The following C14orf132 variants were observed in gnomAD, a reference collection of about 807,000 sequenced individuals.
C14orf132 encodes the protein uncharacterized protein C14orf132.
A neutral mutation model predicts 5.8 loss-of-function variants in C14orf132; 6 were observed. That is an observed-to-expected ratio of 1.03 (90% CI 0.57 to 2.04). The LOEUF is 2.04. Ranked by LOEUF, C14orf132 falls within the 30% of genes most tolerant of loss-of-function variation. C14orf132 has a pLI of 0.00. For synonymous variants in C14orf132, 51 were observed against 49.8 expected (o/e 1.02, Z -0.10); for missense variants, 125 against 115.8 (o/e 1.08, Z -0.37).
intron 1 of C14orf132, among the ~76,000 whole-genome samples, chr14:96,070,416 C>T (rs1239006216): frequency 1.3e-5 from 2 of 152,124 alleles, no homozygotes; most frequent in African/African-American, 2.4e-5. Context: ...TCCTTCTGCA[C>T]CGTCTAAAGT....
At chr14:96,076,540 C>A (rs930351200) in intron 1 of C14orf132, among the ~76,000 whole-genome samples, 13 of 152,098 alleles carry the variant, frequency 8.5e-5, no homozygotes, top group African/African-American at 3.1e-4. Flanking sequence ...ATTTTTGCTT[C>A]CCTGGGCCAC....
chr14:96,041,141 T>C (rs1262828395), intron 1 of C14orf132, among the ~76,000 whole-genome samples: 1 of 152,210 alleles, frequency 6.6e-6, no homozygotes, highest in Non-Finnish European at 1.5e-5. Flanking sequence ...TGACACATTT[T>C]TGACACTGGT....
chr14:96,055,449 A>T (rs187227025), intron 1 of C14orf132, among the ~76,000 whole-genome samples: 3 of 152,284 alleles, frequency 2.0e-5, no homozygotes, highest in Admixed American at 6.5e-5. Flanking sequence ...CAGAACAGAG[A>T]CTATCAAATC....
chr14:96,059,090 T>C (rs561423243), intron 1 of C14orf132, among the ~76,000 whole-genome samples: 111 of 152,294 alleles, frequency 7.3e-4, no homozygotes, highest in Non-Finnish European at 1.3e-3. Context: ...AGTGAGACTC[T>C]GTCTCTACAA....
At chr14:96,083,296 G>A (rs568933198) in intron 1 of C14orf132, among the ~76,000 whole-genome samples, 1 of 152,108 alleles carries the variant, frequency 6.6e-6, no homozygotes, top group Non-Finnish European at 1.5e-5. Context: ...TCTAATGGGA[G>A]GTGGACATCC....
intron 1 of C14orf132, among the ~76,000 whole-genome samples, chr14:96,081,397 G>C (rs978637838): frequency 6.6e-6 from 1 of 152,126 alleles, no homozygotes; most frequent in African/African-American, 2.4e-5. Flanking sequence ...CACACCACGA[G>C]GCAATGTTGG....
At chr14:96,044,804 T>C (rs1274811618) in intron 1 of C14orf132, among the ~76,000 whole-genome samples, 1 of 152,244 alleles carries the variant, frequency 6.6e-6, no homozygotes, top group African/African-American at 2.4e-5. Context: ...TCTGAGTCTC[T>C]TCTCATCTTA....
At chr14:96,064,244 T>C (rs536846090) in intron 1 of C14orf132, among the ~76,000 whole-genome samples, 170 of 151,966 alleles carry the variant, frequency 1.1e-3, no homozygotes, top group Non-Finnish European at 1.9e-3. Context: ...GAAGTCATTA[T>C]GTGAAAAAGA....
chr14:96,063,496 A>T (rs755751371), intron 1 of C14orf132, among the ~76,000 whole-genome samples: 1 of 152,024 alleles, frequency 6.6e-6, no homozygotes, highest in Non-Finnish European at 1.5e-5. Flanking sequence ...TTTAGTAGAG[A>T]CGGGGTTTCA....
intron 1 of C14orf132, among the ~76,000 whole-genome samples, chr14:96,055,254 C>G (rs1351126562): frequency 6.6e-6 from 1 of 152,184 alleles, no homozygotes; most frequent in African/African-American, 2.4e-5. Flanking sequence ...TGTGTGACAG[C>G]TGAGGAACCC....
At chr14:96,052,371 C>T (rs1182437517) in intron 1 of C14orf132, among the ~76,000 whole-genome samples, 1 of 152,200 alleles carries the variant, frequency 6.6e-6, no homozygotes, top group Non-Finnish European at 1.5e-5. Flanking sequence ...CGTTGGAGGA[C>T]AGGAAGCTTG....
chr14:96,080,355 G>A (rs963567165), intron 1 of C14orf132, among the ~76,000 whole-genome samples: 1 of 152,142 alleles, frequency 6.6e-6, no homozygotes, highest in South Asian at 2.1e-4. Flanking sequence ...AAAATTCATA[G>A]CCCAGGAGCA....
chr14:96,041,568 TC>T (rs1385016174), intron 1 of C14orf132, among the ~76,000 whole-genome samples: 11 of 152,246 alleles, frequency 7.2e-5, no homozygotes, highest in African/African-American at 2.4e-4. Context: ...TGTTGATTCA[TC>T]CCATTATCCC....
At chr14:96,049,640 GTATATAT>G (rs1886966686) in intron 1 of C14orf132, among the ~76,000 whole-genome samples, 12 of 44,566 alleles carry the variant, frequency 2.7e-4, no homozygotes, top group African/African-American at 1.1e-3. Flanking sequence ...ACATATATAC[GTATATAT>G]ATATATAGAG....
In C14orf132 at chr14:96,081,377, G is replaced by C. The variant is rs1252967955; in HGVS notation, c.28-5134G>C. On this transcript the variant is annotated intron_variant, in intron 1 of 1. Coordinates refer to ENST00000555004, the MANE Select transcript of C14orf132 (RefSeq NM_001252507.3). Reference sequence around the variant, plus strand: ...CTCTGCCTCAGAGAGATTAAGAAGTGGGCCTAGATCACACCACGAGGCAAT... The same window carrying C: ...CTCTGCCTCAGAGAGATTAAGAAGTCGGCCTAGATCACACCACGAGGCAAT... Among the ~76,000 whole-genome samples the C allele has an allele frequency of 2.0e-5, 3 of 152,130 alleles. No homozygotes were observed. The East Asian group carries it at 5.8e-4, about 29-fold the overall frequency.
At chr14:96,064,363 T>TATACACACACACAC (rs1555385083) in intron 1 of C14orf132, among the ~76,000 whole-genome samples, 3 of 135,858 alleles carry the variant, frequency 2.2e-5, no homozygotes, top group Admixed American at 7.5e-5. Context: ...GGTGCATATA[T>TATACACACACACAC]ACACACACAC....
At chr14:96,071,445 C>T (rs1325434270) in intron 1 of C14orf132, among the ~76,000 whole-genome samples, 1 of 152,188 alleles carries the variant, frequency 6.6e-6, no homozygotes, top group Non-Finnish European at 1.5e-5. Context: ...CCTTCATCAC[C>T]AGGAGTCTTT....
chr14:96,039,372 AG>A lies in C14orf132; in HGVS notation c.-128del. 1.1e-6 allele frequency: 1 copy of A among 913,720 alleles called. No individual in the cohort carries two copies. Among genetic ancestry groups the A allele is most frequent in the Non-Finnish European group, 1.5e-6 (1 of 677,658 alleles). The allele number at this position is 913,720 out of a possible 1,614,324, so 56.6% of individuals were successfully genotyped here. ...TAGAGATCTGGAGCCAGAAGCCCAG[AG>A]ACAGCCGAGTGCGCCGTGCGGTCTC... On this transcript the variant is annotated 5_prime_UTR_variant, in exon 1 of 2. Transcript: ENST00000555004. The surrounding 1 kb of genome is among the most constrained non-coding windows in gnomAD (Gnocchi z 5.3).
intron 1 of C14orf132, chr14:96,040,392 C>T (rs1356234804): frequency 2.5e-6 from 1 of 398,194 alleles, no homozygotes; most frequent in Admixed American, 4.4e-5. Flanking sequence ...ACCAAAGCCA[C>T]ATCTTGCACC....
Sources: allele counts gnomAD v4.1 joint callset (sites outside exome capture counted in the v4.1 genomes callset), GRCh38; gene constraint gnomAD v4.1.1; non-coding constraint Gnocchi (gnomAD v3.1); transcripts MANE v1.5; gene names NCBI Gene and HGNC (gene_info 2026-07-23, HGNC 2026-07-21).